The following ARSH variants were observed in gnomAD, a reference collection of about 807,000 sequenced individuals.
ARSH encodes arylsulfatase H.
Under a neutral mutation model 28.7 loss-of-function variants are expected in ARSH, and 32 were observed. That is an observed-to-expected ratio of 1.11 (90% CI 0.84 to 1.50). The LOEUF is 1.50. Ranked by LOEUF, ARSH falls within the 40% of genes most tolerant of loss-of-function variation. ARSH has a pLI of 0.00. For missense variants in ARSH, 440 were observed against 452.4 expected, an observed-to-expected ratio of 0.97 and a Z score of 0.25; for synonymous variants, 176 against 177.3, an observed-to-expected ratio of 0.99 and a Z score of 0.06.
chrX:3,017,837 T>G (rs1281815353), intron 4 of ARSH, among the ~76,000 whole-genome samples: 2 of 111,941 alleles, frequency 1.8e-5, no homozygotes, highest in Non-Finnish European at 3.8e-5. Flanking sequence ...CCTTAAGATA[T>G]GATTCTTCTG....
At position 3,033,058 on chromosome X, in the gene ARSH, C is replaced by G; in HGVS notation, c.1362C>G (p.Phe454Leu). 2 of 1,211,049 alleles carry G rather than the reference C, an allele frequency of 1.7e-6. No individual in the cohort carries two copies. The highest frequency in any genetic ancestry group is 2.2e-6 in the Non-Finnish European group (2 of 895,166). Residue 454 changes from phenylalanine to leucine, a missense_variant, in exon 9 of 9, where the codon TTC (phenylalanine) becomes TTG (leucine). Coordinates refer to ENST00000381130, the MANE Select transcript of ARSH (RefSeq NM_001011719.2). ...AAGCTCATTATGTGACTCCTAAATT[C>G]TACCCTGAAGGAACAGGTGCCTGCT... ...VWKAHYVTPK[F>L]YPEGTGACYG... is the part of the protein sequence containing the mutation.
At chrX:3,031,964 G>A (rs1030511286) in intron 8 of ARSH, among the ~76,000 whole-genome samples, 3 of 111,393 alleles carry the variant, frequency 2.7e-5, no homozygotes, top group African/African-American at 9.8e-5. Context: ...TGCACTCCAT[G>A]CAGTAAGGAG....
Position 3,010,031 on chromosome X carries a change from A to G in ARSH, c.94A>G (p.Thr32Ala). ...LCCYGNNSVS[T>A]PNIDRLASEG... Reference sequence around the variant, plus strand: ...GCTGAATTCTTCTTTGGTCTGCAGCACACCTAATATTGACCGCCTGGCAAG... The same window carrying G: ...GCTGAATTCTTCTTTGGTCTGCAGCGCACCTAATATTGACCGCCTGGCAAG... The change falls in exon 2 of 9, where the codon ACA (threonine) becomes GCA (alanine). Residue 32 changes from threonine to alanine, a missense_variant and splice_region_variant. Physicochemically the swap from Thr to Ala is moderately conservative, Grantham distance 58. Coordinates refer to ENST00000381130, the MANE Select transcript of ARSH (RefSeq NM_001011719.2). 1 of 1,210,420 alleles carries G rather than the reference A, an allele frequency of 8.3e-7. No homozygotes were observed. Among genetic ancestry groups the G allele is most frequent in the Non-Finnish European group, 1.1e-6 (1 of 894,694 alleles).
intron 1 of ARSH, among the ~76,000 whole-genome samples, chrX:3,009,472 GA>G (rs1164139628): frequency 3.6e-5 from 4 of 109,622 alleles, no homozygotes; most frequent in South Asian, 4.0e-4. Context: ...CCACGTCTCA[GA>G]AAAAAAATTA....
intron 5 of ARSH, among the ~76,000 whole-genome samples, chrX:3,022,328 C>A (rs2089886575): frequency 2.7e-5 from 3 of 111,631 alleles, no homozygotes; most frequent in African/African-American, 9.8e-5. Flanking sequence ...TCCCAGAAAG[C>A]CTTTACAATC....
chrX:3,021,205 T>C (rs1000416330), intron 5 of ARSH, among the ~76,000 whole-genome samples: 3 of 111,160 alleles, frequency 2.7e-5, no homozygotes, highest in Non-Finnish European at 5.7e-5. Context: ...TAGTTGTACT[T>C]AGTCAAAGGA....
chrX:3,021,895 G>GTGTT (rs1432501058), intron 5 of ARSH, among the ~76,000 whole-genome samples: 1 of 107,164 alleles, frequency 9.3e-6, no homozygotes, highest in Non-Finnish European at 1.9e-5. Context: ...GTGTGTGTGT[G>GTGTT]TGTGTGTGTG....
intron 5 of ARSH, among the ~76,000 whole-genome samples, chrX:3,021,852 A>G (rs1168244195): frequency 9.5e-6 from 1 of 105,619 alleles, no homozygotes; most frequent in East Asian, 3.0e-4. Context: ...AGCTGGGACT[A>G]AAAATGTGCA....
intron 5 of ARSH, among the ~76,000 whole-genome samples, chrX:3,021,634 T>A (rs747827350): frequency 9.0e-6 from 1 of 110,541 alleles, no homozygotes; most frequent in South Asian, 3.8e-4. Context: ...ACTTAATGAA[T>A]CTTCGGGAAT....
chrX:3,020,951 CATAT>C (rs1048710127), intron 5 of ARSH, among the ~76,000 whole-genome samples: 1 of 110,711 alleles, frequency 9.0e-6, no homozygotes, highest in African/African-American at 3.3e-5. Context: ...ATGTTATATA[CATAT>C]ATATATACAC....
At chrX:3,007,689 T>A (rs895242407) in intron 1 of ARSH, among the ~76,000 whole-genome samples, 2 of 103,375 alleles carry the variant, frequency 1.9e-5, no homozygotes, top group East Asian at 6.3e-4. Flanking sequence ...TTATGAGGTG[T>A]CTTAGTCTAT....
chrX:3,028,623 G>A (rs992929280), intron 7 of ARSH, among the ~76,000 whole-genome samples: 2 of 111,548 alleles, frequency 1.8e-5, no homozygotes, highest in African/African-American at 3.3e-5. Context: ...TCAAAAGGGC[G>A]TAAATAGCTT....
rs137974185 is a variant in ARSH, at chrX:3,020,031, G to A, written c.901+1361G>A. Among the ~76,000 whole-genome samples the A allele has an allele frequency of 9.5e-3, 1,040 of 108,928 alleles. 16 individuals carry two copies. The highest frequency in any genetic ancestry group is 0.031 in the African/African-American group (936 of 29,895). 94.6% of individuals were successfully genotyped at this position (108,928 alleles called of 115,157 possible). A position where few individuals can be genotyped will look rare whatever the true frequency, so the allele number is the denominator to read the frequency against. On this transcript the variant is annotated intron_variant, in intron 5 of 8. Coordinates refer to ENST00000381130, the MANE Select transcript of ARSH (RefSeq NM_001011719.2). ...CCAGGCGTGGTGGCTCATGTCTGTAGCCCCAGCACTTTTGGAGGTTCAGGC... is the reference window on the plus strand; with the variant it reads ...CCAGGCGTGGTGGCTCATGTCTGTAACCCCAGCACTTTTGGAGGTTCAGGC...
In ARSH at chrX:3,020,432, A is replaced by AC. The variant is rs758600077; in HGVS notation, c.901+1762_901+1763insC. Among the ~76,000 whole-genome samples, 719 of 106,314 alleles carry AC rather than the reference A, an allele frequency of 6.8e-3. 10 individuals carry two copies. The highest frequency in any genetic ancestry group is 0.011 in the Non-Finnish European group (561 of 51,183). The allele number at this position is 106,314 out of a possible 115,157, so 92.3% of individuals were successfully genotyped here. ...GTGAAACCCCGTCTCTACTAAAAAT[A>AC]GAAAAAATGAGCCGGGCGCGGTGGC... is the stretch of plus-strand genomic sequence containing the variant. On this transcript the variant is annotated intron_variant, in intron 5 of 8. Coordinates refer to ENST00000381130, the MANE Select transcript of ARSH (RefSeq NM_001011719.2).
Position 3,033,113 on chromosome X carries a change from G to A in ARSH, c.1417G>A (p.Asp473Asn), listed in dbSNP as rs1438017052. The change falls in exon 9 of 9, where the codon GAT (aspartate) becomes AAT (asparagine). Residue 473 changes from aspartate to asparagine, a missense_variant. By Grantham distance (23) the Asp-to-Asn change is conservative. Transcript: ENST00000381130. The part of the protein sequence containing the change: ...YGSGICSCSG[D>N]VTYHDPPLLF... ...GAGTGGAATATGTTCATGTTCGGGG[G>A]ATGTAACCTACCACGACCCACCACT... 8.3e-7 allele frequency: 1 copy of A among 1,211,137 alleles called. No individual in the cohort carries two copies. Among genetic ancestry groups the A allele is most frequent in the African/African-American group, 1.7e-5 (1 of 57,613 alleles).
intron 3 of ARSH, among the ~76,000 whole-genome samples, chrX:3,014,735 C>T (rs2089860794): frequency 1.8e-5 from 2 of 111,322 alleles, no homozygotes; most frequent in Admixed American, 9.6e-5. Flanking sequence ...CTCTCCTTGT[C>T]GCAAGCAAAG....
intron 4 of ARSH, among the ~76,000 whole-genome samples, chrX:3,016,804 G>A (rs1192858272): frequency 1.8e-5 from 2 of 110,789 alleles, no homozygotes; most frequent in Non-Finnish European, 3.8e-5. Flanking sequence ...GGCTGGTCTC[G>A]AACTCCTGGG....
At chrX:3,023,416 TG>T (rs1328842189) in intron 5 of ARSH, among the ~76,000 whole-genome samples, 1 of 105,877 alleles carries the variant, frequency 9.4e-6, no homozygotes, top group Non-Finnish European at 1.9e-5. Flanking sequence ...TTTTACATAT[TG>T]CATTGATATA....
intron 5 of ARSH, among the ~76,000 whole-genome samples, chrX:3,021,706 C>CT (rs1295725005): frequency 2.0e-5 from 1 of 50,769 alleles, no homozygotes. Flanking sequence ...CACTTTTAGT[C>CT]CTTTTTTTTT....
Sources: gnomAD v4.1 joint callset for allele counts (sites outside exome capture counted in the v4.1 genomes callset) on GRCh38, gnomAD v4.1.1 for gene constraint, MANE v1.5 for transcripts, NCBI Gene and HGNC (gene_info 2026-07-23, HGNC 2026-07-21) for gene names.